The following SPART variants were observed in gnomAD, a reference collection of about 807,000 sequenced individuals.
SPART encodes spastic paraplegia 20 (Troyer syndrome).
A neutral mutation model predicts 58.7 loss-of-function variants in SPART; 35 were observed. The ratio of observed to expected loss-of-function variants is 0.60; its 90% confidence interval spans 0.46 to 0.79. SPART has a LOEUF of 0.79. Ranked by LOEUF, SPART falls within the 30% of genes least tolerant of loss-of-function variation. SPART has a pLI of 0.00. For missense variants in SPART, 730 were observed against 786.1 expected (o/e 0.93, Z 0.85); for synonymous variants, 284 against 280.7 (o/e 1.01, Z -0.12).
At position 36,304,441 on chromosome 13, in the gene SPART, G is replaced by A. The variant is rs1341770462; in HGVS notation, c.1925C>T (p.Ala642Val). The A allele has an allele frequency of 3.7e-6, 6 of 1,613,980 alleles. No individual in the cohort carries two copies. The highest frequency in any genetic ancestry group is 5.1e-6 in the Non-Finnish European group (6 of 1,179,996). Reference protein sequence around the residue: ...DNSQRENQEGAANVNVRGEKD... With the variant: ...DNSQRENQEGVANVNVRGEKD... ...CTCCCCTCTCACGTTGACATTTGCT[G>A]CTCCTTCTTGATTTTCCCTCTGAGA... is the stretch of plus-strand genomic sequence containing the variant. The change falls in exon 9 of 9, where the codon GCA becomes GTA. Residue 642 changes from alanine to valine, a missense_variant. Physicochemically the swap from Ala to Val is moderately conservative, Grantham distance 64. Coordinates refer to ENST00000438666, the MANE Select transcript of SPART (RefSeq NM_015087.5).
At chr13:36,368,447 T>TA (rs1056243585) in intron 1 of SPART, 171 of 151,972 alleles carry the variant, frequency 1.1e-3, no homozygotes, top group Middle Eastern at 6.1e-3. Flanking sequence ...CCCTCCTTAT[T>TA]AAAAAAAAAA....
chr13:36,334,309 C>T (rs1011355896), intron 2 of SPART, among the ~76,000 whole-genome samples: 1 of 152,154 alleles, frequency 6.6e-6, no homozygotes, highest in African/African-American at 2.4e-5. Flanking sequence ...ACTCTTTACT[C>T]TTAGACCAAG....
intron 1 of SPART, chr13:36,368,461 A>G (rs1367412695): frequency 3.8e-5 from 6 of 158,184 alleles, no homozygotes; most frequent in African/African-American, 1.4e-4. Flanking sequence ...AAAAAAATGA[A>G]AAAAACCTGC....
chr13:36,352,315 C>G (rs1885448460), intron 1 of SPART, among the ~76,000 whole-genome samples: 1 of 152,140 alleles, frequency 6.6e-6, no homozygotes, highest in African/African-American at 2.4e-5. Flanking sequence ...ATTCCTTTAA[C>G]ATTTCTTACT....
At chr13:36,325,209 G>A (rs1167564328) in intron 5 of SPART, among the ~76,000 whole-genome samples, 3 of 152,122 alleles carry the variant, frequency 2.0e-5, no homozygotes, top group African/African-American at 7.2e-5. Flanking sequence ...CTGAATGATG[G>A]CCTCCTAATA....
Position 36,303,450 on chromosome 13 carries a change from CT to C in SPART, c.*914del, listed in dbSNP as rs1243426278. 2 of 152,052 alleles carry C rather than the reference CT, an allele frequency of 1.3e-5. No homozygotes were observed. The highest frequency in any genetic ancestry group is 1.3e-4 in the Admixed American group (2 of 15,248). The allele number at this position is 152,052 out of a possible 1,614,324, so 9.4% of individuals were successfully genotyped here. A position where few individuals can be genotyped will look rare whatever the true frequency, so the allele number is the denominator to read the frequency against. On this transcript the variant is annotated 3_prime_UTR_variant, in exon 9 of 9. Transcript: ENST00000438666. ...TCTTTACCCTGATTATGAATAGAACCTTTCCTTTTTAATAACTTGTCTTTTA... is the reference window on the plus strand; with the variant it reads ...TCTTTACCCTGATTATGAATAGAACCTTCCTTTTTAATAACTTGTCTTTTA...
At chr13:36,307,091 A>T (rs1458693845) in intron 8 of SPART, among the ~76,000 whole-genome samples, 1 of 152,158 alleles carries the variant, frequency 6.6e-6, no homozygotes, top group Non-Finnish European at 1.5e-5. Flanking sequence ...TCAGATTCAA[A>T]CTATACTGCT....
intron 4 of SPART, 67 bp from the exon 5 acceptor site, chr13:36,326,765 T>G: frequency 1.3e-6 from 2 of 1,547,330 alleles, no homozygotes; most frequent in Non-Finnish European, 1.8e-6. Flanking sequence ...GTAAGCATTA[T>G]ATAACAAATA....
chr13:36,324,530 T>C (rs888593980), intron 5 of SPART, among the ~76,000 whole-genome samples: 1 of 152,136 alleles, frequency 6.6e-6, no homozygotes, highest in Admixed American at 6.5e-5. Context: ...TTAGATACCA[T>C]GAAAGAGATA....
intron 8 of SPART, among the ~76,000 whole-genome samples, chr13:36,308,660 G>C (rs1276728196): frequency 1.4e-5 from 2 of 146,180 alleles, no homozygotes; most frequent in African/African-American, 2.5e-5. Context: ...TTTTTCATTA[G>C]AGTAGGCCAT....
chr13:36,304,393 A>C lies in SPART; in HGVS notation c.1973T>G (p.Val658Gly), dbSNP rs1566103594. 3 of 1,613,794 alleles carry C rather than the reference A, an allele frequency of 1.9e-6. No individual in the cohort carries two copies. Among genetic ancestry groups the C allele is most frequent in the Non-Finnish European group, 1.7e-6 (2 of 1,179,968 alleles). The change falls in exon 9 of 9, where the codon GTA becomes GGA. Residue 658 changes from valine (V) to glycine (G), a missense_variant. By Grantham distance (109) the Val-to-Gly change is moderately radical. Coordinates refer to ENST00000438666, the MANE Select transcript of SPART (RefSeq NM_015087.5). ...TTTATCTTTCTTCTTTGCCTCCTTTACTTCCTTCGTCTGCTCATCCTTCTC... is the reference window on the plus strand; with the variant it reads ...TTTATCTTTCTTCTTTGCCTCCTTTCCTTCCTTCGTCTGCTCATCCTTCTC... The part of the protein sequence containing the change: ...RGEKDEQTKE[V>G]KEAKKKDK
At chr13:36,352,202 A>G (rs1211234553) in intron 1 of SPART, among the ~76,000 whole-genome samples, 3 of 152,222 alleles carry the variant, frequency 2.0e-5, no homozygotes, top group Non-Finnish European at 4.4e-5. Context: ...CATGCATTTG[A>G]CAAAAGATCA....
At position 36,323,787 on chromosome 13, in the gene SPART, A is replaced by G. The variant is rs1217423144; in HGVS notation, c.1288+2788T>C. Among the ~76,000 whole-genome samples the G allele has an allele frequency of 2.0e-5, 3 of 152,356 alleles. No individual in the cohort carries two copies. The East Asian group carries it at 5.8e-4, about 29-fold the overall frequency. On this transcript the variant is annotated intron_variant, in intron 5 of 8. Coordinates refer to ENST00000438666, the MANE Select transcript of SPART (RefSeq NM_015087.5). ...ACGCTGATAGGCAGTTAAATAGTTT[A>G]CAGTTACCAACTATGAGGACATTAC...
At chr13:36,313,887 GAT>G in intron 6 of SPART, 2 of 306,072 alleles carry the variant, frequency 6.5e-6, no homozygotes, top group Non-Finnish European at 1.2e-5. Context: ...CTTTTTCAAA[GAT>G]ACACACATTC....
intron 1 of SPART, among the ~76,000 whole-genome samples, chr13:36,369,312 T>C (rs1206467620): frequency 2.6e-5 from 4 of 152,192 alleles, no homozygotes; most frequent in Non-Finnish European, 4.4e-5. Flanking sequence ...ATAACTGATA[T>C]GTTAGTCTTA....
At chr13:36,364,066 A>G (rs919362022) in intron 1 of SPART, among the ~76,000 whole-genome samples, 1 of 152,138 alleles carries the variant, frequency 6.6e-6, no homozygotes, top group Non-Finnish European at 1.5e-5. Context: ...AACCACCATC[A>G]CAGTCTTCCT....
At chr13:36,328,848 T>C (rs890631337) in intron 4 of SPART, among the ~76,000 whole-genome samples, 1 of 152,048 alleles carries the variant, frequency 6.6e-6, no homozygotes, top group Non-Finnish European at 1.5e-5. Context: ...AAAAAGACAG[T>C]AGCATATCTA....
At chr13:36,351,079 AC>A, upstream of SPART, among the ~76,000 whole-genome samples, 1 of 152,248 alleles carries the variant, frequency 6.6e-6, no homozygotes, top group African/African-American at 2.4e-5. Flanking sequence ...TGCCACTTAA[AC>A]ACTCTGACCT....
intron 1 of SPART, among the ~76,000 whole-genome samples, chr13:36,356,836 G>A (rs1005769590): frequency 2.6e-4 from 39 of 152,112 alleles, no homozygotes; most frequent in African/African-American, 9.2e-4. Context: ...AGTAAGGGAG[G>A]ATACATGGAA....
Sources: gnomAD v4.1 joint callset for allele counts (sites outside exome capture counted in the v4.1 genomes callset) on GRCh38, gnomAD v4.1.1 for gene constraint, MANE v1.5 for transcripts, NCBI Gene and HGNC (gene_info 2026-07-23, HGNC 2026-07-21) for gene names.